The following TAF4 variants were observed in gnomAD, a reference collection of about 807,000 sequenced individuals.
TAF4 encodes transcription initiation factor TFIID subunit 4.
In TAF4, 9 loss-of-function variants were observed where a neutral mutation model predicts 90.3. That is an observed-to-expected ratio of 0.10 (90% CI 0.06 to 0.17). The LOEUF is 0.17. Among genes scored for constraint, TAF4 ranks in the 10% least tolerant of loss-of-function variants. TAF4 has a pLI of 1.00. For missense variants in TAF4, 1,351 were observed against 1,370.7 expected (o/e 0.99, Z 0.23); for synonymous variants, 818 against 638.9 (o/e 1.28, Z -4.23).
chr20:62,014,900 T>C (rs1434475364), intron 1 of TAF4, among the ~76,000 whole-genome samples, 193 bp from the exon 2 acceptor site: 1 of 152,088 alleles, frequency 6.6e-6, no homozygotes. Context: ...ACTGTAAAGG[T>C]TGTTAAAAGG....
At chr20:62,030,684 A>G (rs2055899894) in intron 1 of TAF4, among the ~76,000 whole-genome samples, 1 of 152,212 alleles carries the variant, frequency 6.6e-6, no homozygotes, top group Admixed American at 6.5e-5. Context: ...TTAGAGTAAT[A>G]ATTTTTTGAA....
chr20:61,979,671 G>T (rs1331039811), intron 14 of TAF4, among the ~76,000 whole-genome samples: 7 of 148,540 alleles, frequency 4.7e-5, no homozygotes, highest in Non-Finnish European at 1.0e-4. Context: ...ACTCCAGAGG[G>T]ACTGCGGCCC....
intron 1 of TAF4, among the ~76,000 whole-genome samples, chr20:62,041,556 G>T (rs1199931352): frequency 6.6e-6 from 1 of 152,060 alleles, no homozygotes; most frequent in East Asian, 1.9e-4. Flanking sequence ...TTGAACCCGG[G>T]AGGCAGAGGT....
intron 2 of TAF4, 150 bp from the exon 3 acceptor site, chr20:62,013,084 T>A: frequency 8.5e-7 from 1 of 1,175,684 alleles, no homozygotes; most frequent in Non-Finnish European, 1.2e-6. Flanking sequence ...ACTGTAATTC[T>A]AAAGTTTTCT....
chr20:62,064,397 G>A (rs571360434), intron 1 of TAF4, 54 bp downstream of exon 1: 3 of 1,277,968 alleles, frequency 2.3e-6, no homozygotes, highest in South Asian at 2.6e-5. Flanking sequence ...CCTGGAACTG[G>A]CAGCTGGCGC....
chr20:62,010,298 C>A lies in TAF4; in HGVS notation c.1642-133G>T. ...AGGACGCCCAGGAAGCCAAGGACCC[C>A]GGCCACCTGCCAGCCCGCTGGACAC... On this transcript the variant is annotated intron_variant, in intron 3 of 14. Transcript: ENST00000252996. The surrounding 1 kb of genome is among the most constrained non-coding windows in gnomAD (Gnocchi z 4.5). 2 of 1,339,554 alleles carry A rather than the reference C, an allele frequency of 1.5e-6. No individual in the cohort carries two copies. The highest frequency in any genetic ancestry group is 2.4e-5 in the East Asian group (1 of 41,190). 83.0% of individuals were successfully genotyped at this position (1,339,554 alleles called of 1,614,324 possible).
At chr20:61,986,399 TCAAAGGAAACACCATCCCCAAC>T in intron 14 of TAF4, among the ~76,000 whole-genome samples, 1 of 65,450 alleles carries the variant, frequency 1.5e-5, no homozygotes, top group Non-Finnish European at 3.6e-5. Context: ...CCATCCCCAA[TCAAAGGAAACACCATCCCCAAC>T]CAAAGGAAAC....
At chr20:62,023,533 G>C (rs2055855630) in intron 1 of TAF4, among the ~76,000 whole-genome samples, 1 of 148,716 alleles carries the variant, frequency 6.7e-6, no homozygotes, top group African/African-American at 2.5e-5. Flanking sequence ...AGACTGCTTG[G>C]GCTCAGGAGT....
At chr20:61,977,157 C>T (rs1471046670) in intron 14 of TAF4, among the ~76,000 whole-genome samples, 2 of 145,076 alleles carry the variant, frequency 1.4e-5, no homozygotes, top group Non-Finnish European at 3.0e-5. Flanking sequence ...CACACGACAC[C>T]GCCCAGCGGG....
intron 1 of TAF4, among the ~76,000 whole-genome samples, chr20:62,022,003 A>AGCGGCGGACAGCG (rs1568934535): frequency 5.3e-5 from 8 of 152,148 alleles, no homozygotes; most frequent in Admixed American, 4.6e-4. Context: ...GGCGGACAGC[A>AGCGGCGGACAGCG]TCAGAGGCGG....
At chr20:62,045,893 A>T (rs1461576966) in intron 1 of TAF4, among the ~76,000 whole-genome samples, 2 of 152,228 alleles carry the variant, frequency 1.3e-5, no homozygotes, top group Non-Finnish European at 2.9e-5. Context: ...CTGCAGGAAT[A>T]GCAGTAACCT....
chr20:62,022,780 G>A (rs1333192697), intron 1 of TAF4, among the ~76,000 whole-genome samples: 1 of 152,190 alleles, frequency 6.6e-6, no homozygotes, highest in African/African-American at 2.4e-5. Context: ...GTGCTGCCCG[G>A]CGCAGGCGCT....
chr20:61,983,671 G>A (rs1438199538), intron 14 of TAF4, among the ~76,000 whole-genome samples: 2 of 152,030 alleles, frequency 1.3e-5, no homozygotes, highest in Non-Finnish European at 2.9e-5. Flanking sequence ...TCAAAAGATA[G>A]ATAAAAATTT....
Position 62,006,415 on chromosome 20 carries a change from G to T in TAF4, c.2223+95C>A. ...TAGCAGGAGGCTTCCTGCATGCTTG[G>T]AAAAGGTTTCTGAGCCGTGGCCAAT... is the stretch of plus-strand genomic sequence containing the variant. On this transcript the variant is annotated intron_variant, in intron 7 of 14. Coordinates refer to ENST00000252996, the MANE Select transcript of TAF4 (RefSeq NM_003185.4). This position sits in a 1 kb window ranked among gnomAD's most constrained non-coding sequence, Gnocchi z 7.0. The T allele has an allele frequency of 7.7e-7, 1 of 1,294,426 alleles. No individual in the cohort carries two copies. Among genetic ancestry groups the T allele is most frequent in the Admixed American group, 3.8e-5 (1 of 26,346 alleles). 80.2% of individuals were successfully genotyped at this position (1,294,426 alleles called of 1,614,324 possible).
intron 1 of TAF4, among the ~76,000 whole-genome samples, chr20:62,047,866 G>C (rs905374903): frequency 6.6e-6 from 1 of 152,194 alleles, no homozygotes. Context: ...GGAAGCCGCA[G>C]GTCTATTTTT....
chr20:62,041,093 C>T (rs1007965258), intron 1 of TAF4, among the ~76,000 whole-genome samples: 1 of 152,048 alleles, frequency 6.6e-6, no homozygotes, highest in Admixed American at 6.5e-5. Flanking sequence ...GGGGTTTCAG[C>T]GACCTGAGCG....
In TAF4 at chr20:62,014,813, G is replaced by A. The variant is rs368936605; in HGVS notation, c.1361-106C>T. 35 of 1,470,594 alleles carry A rather than the reference G, an allele frequency of 2.4e-5. No homozygotes were observed. The African/African-American group carries it at 4.1e-4, about 17-fold the overall frequency. The allele number at this position is 1,470,594 out of a possible 1,614,324, so 91.1% of individuals were successfully genotyped here. A position where few individuals can be genotyped will look rare whatever the true frequency, so the allele number is the denominator to read the frequency against. Reference sequence around the variant, plus strand: ...TGACAGCTGTGAGAAGGAAACAAAGGAAATCAAGTCTTAAACACACGAATC... The same window carrying A: ...TGACAGCTGTGAGAAGGAAACAAAGAAAATCAAGTCTTAAACACACGAATC... On this transcript the variant is annotated intron_variant, in intron 1 of 14. Transcript: ENST00000252996.
chr20:62,020,805 C>A (rs951503385), intron 1 of TAF4, among the ~76,000 whole-genome samples: 1 of 152,162 alleles, frequency 6.6e-6, no homozygotes, highest in Admixed American at 6.5e-5. Context: ...CCCCTGAATA[C>A]AGTATAGAAA....
At chr20:62,057,663 TCGGGGGGC>T in intron 1 of TAF4, among the ~76,000 whole-genome samples, 1 of 46,484 alleles carries the variant, frequency 2.2e-5, no homozygotes, top group Non-Finnish European at 4.3e-5. Context: ...ACAATGGGGC[TCGGGGGGC>T]CAACCTCAGC....
Sources: gnomAD v4.1 joint callset for allele counts (sites outside exome capture counted in the v4.1 genomes callset) on GRCh38, gnomAD v4.1.1 for gene constraint, Gnocchi (gnomAD v3.1) non-coding constraint, MANE v1.5 for transcripts, NCBI Gene and HGNC (gene_info 2026-07-23, HGNC 2026-07-21) for gene names.